KDM6A: variants seen among roughly 807,000 people sequenced by gnomAD.
KDM6A encodes the protein lysine-specific demethylase 6A.
KDM6A carries 11 observed loss-of-function variants against 117.6 expected under a neutral mutation model. That is an observed-to-expected ratio of 0.09 (90% CI 0.06 to 0.15). The LOEUF (loss-of-function observed/expected upper bound fraction) is 0.15, where lower values mean the gene tolerates loss of function less well. KDM6A is among the 10% of genes least tolerant of loss of function. The pLI is 1.00. For synonymous variants in KDM6A, 384 were observed against 396.1 expected (o/e 0.97, Z 0.36); for missense variants, 799 against 1,077.3 (o/e 0.74, Z 3.62).
intron 2 of KDM6A, among the ~76,000 whole-genome samples, chrX:44,956,563 T>A (rs756494316): frequency 2.7e-5 from 3 of 110,518 alleles, no homozygotes; most frequent in African/African-American, 9.9e-5. Context: ...ACACCATGCC[T>A]GGGTAATTTT....
rs780484731 is a variant in KDM6A, at chrX:45,051,760, A to C, written c.706A>C (p.Asn236His). The C allele has an allele frequency of 6.7e-6, 8 of 1,188,055 alleles. No homozygotes were observed. Among genetic ancestry groups the C allele is most frequent in the Admixed American group, 6.6e-5 (3 of 45,567 alleles). The change falls in exon 9 of 30, where the codon AAT (asparagine) becomes CAT (histidine). Residue 236 changes from asparagine to histidine, a missense_variant. Asn to His is a moderately conservative substitution (Grantham distance 68). Transcript: ENST00000611820. The part of the protein sequence containing the change: ...EAYEQLLQTE[N>H]LSAQVKATVL... ...TTATGAACAACTTTTGCAGACAGAG[A>C]ATCTTTCTGCACAAGTAAAAGCAAC...
At chrX:45,011,696 A>G (rs952167025) in intron 5 of KDM6A, among the ~76,000 whole-genome samples, 2 of 112,214 alleles carry the variant, frequency 1.8e-5, no homozygotes, top group South Asian at 3.7e-4. Context: ...TTGTTGTCAC[A>G]GCATTGCCAC....
chrX:45,053,030 G>A (rs1380159359), intron 9 of KDM6A, among the ~76,000 whole-genome samples: 6 of 111,624 alleles, frequency 5.4e-5, no homozygotes, highest in African/African-American at 2.0e-4. Context: ...TATGTAGTCA[G>A]GGCCAGTGAG....
intron 2 of KDM6A, 79 bp downstream of exon 2, chrX:44,874,066 C>T: frequency 1.0e-6 from 1 of 965,236 alleles, no homozygotes. Context: ...GCGGCCGGGT[C>T]TGTGCTCATT....
At chrX:44,953,937 G>A (rs1046531276) in intron 2 of KDM6A, among the ~76,000 whole-genome samples, 2 of 109,991 alleles carry the variant, frequency 1.8e-5, no homozygotes, top group Non-Finnish European at 3.8e-5. Flanking sequence ...TGTGCCTGTA[G>A]TCCCAGCCAC....
At chrX:44,970,306 A>G (rs1387815656) in intron 3 of KDM6A, among the ~76,000 whole-genome samples, 1 of 112,162 alleles carries the variant, frequency 8.9e-6, no homozygotes, top group Non-Finnish European at 1.9e-5. Flanking sequence ...TTGAGCATTC[A>G]TATTTATTTC....
At chrX:44,917,352 A>G (rs1359643262) in intron 2 of KDM6A, among the ~76,000 whole-genome samples, 1 of 111,805 alleles carries the variant, frequency 8.9e-6, no homozygotes, top group Non-Finnish European at 1.9e-5. Context: ...TATTTGTGAT[A>G]GCACAGTAGA....
chrX:45,058,378 C>T (rs1260188086), intron 10 of KDM6A, among the ~76,000 whole-genome samples: 4 of 110,244 alleles, frequency 3.6e-5, no homozygotes, highest in African/African-American at 9.9e-5. Context: ...AAGAAAATTA[C>T]AGTCCTTGAA....
At chrX:45,100,820 T>C (rs2046311511) in intron 27 of KDM6A, among the ~76,000 whole-genome samples, 1 of 110,123 alleles carries the variant, frequency 9.1e-6, no homozygotes, top group African/African-American at 3.3e-5. Context: ...AAGCACTGTT[T>C]TATATTTTTT....
intron 21 of KDM6A, 120 bp from the exon 22 acceptor site, chrX:45,082,456 T>C: frequency 1.9e-6 from 1 of 520,109 alleles, no homozygotes; most frequent in South Asian, 2.8e-5. Context: ...AACATGAAAC[T>C]TAGTTTCAAA....
chrX:45,041,036 G>A (rs1467030357), intron 8 of KDM6A, among the ~76,000 whole-genome samples: 2 of 71,580 alleles, frequency 2.8e-5, no homozygotes, highest in South Asian at 8.7e-4. Context: ...GCGGCTGGCC[G>A]GGCAGAGGGG....
Position 45,068,121 on chromosome X carries a change from A to G in KDM6A, c.2080-1458A>G, listed in dbSNP as rs189572295. Among the ~76,000 whole-genome samples the G allele has an allele frequency of 2.2e-3, 249 of 111,878 alleles. 4 individuals carry two copies. The highest frequency in any genetic ancestry group is 0.021 in the Admixed American group (219 of 10,547). On this transcript the variant is annotated intron_variant, in intron 17 of 29. Coordinates refer to ENST00000611820, the MANE Select transcript of KDM6A (RefSeq NM_001291415.2). ...GTATATAAATATCTTGTTATCAGCT[A>G]TAGTTTTATTCTTTTATAGCTTATT...
At chrX:45,051,316 G>C (rs1452078511) in intron 8 of KDM6A, among the ~76,000 whole-genome samples, 1 of 111,793 alleles carries the variant, frequency 8.9e-6, no homozygotes, top group Non-Finnish European at 1.9e-5. Flanking sequence ...CCTGACATGT[G>C]CTCTATTTAT....
chrX:45,073,313 A>T (rs1268010786), intron 18 of KDM6A, among the ~76,000 whole-genome samples: 2 of 111,703 alleles, frequency 1.8e-5, no homozygotes, highest in African/African-American at 6.5e-5. Context: ...TGCTATTGTG[A>T]ATAGTGCCAC....
intron 19 of KDM6A, among the ~76,000 whole-genome samples, chrX:45,077,397 T>C (rs968180351): frequency 1.8e-5 from 2 of 111,594 alleles, no homozygotes; most frequent in African/African-American, 6.5e-5. Flanking sequence ...TCCAAATAGA[T>C]CTTCCTATCC....
At chrX:45,076,003 TG>T (rs1396648441) in intron 18 of KDM6A, among the ~76,000 whole-genome samples, 1 of 111,445 alleles carries the variant, frequency 9.0e-6, no homozygotes, top group Non-Finnish European at 1.9e-5. Context: ...ATATCTTGCT[TG>T]TACTGAAAGA....
At chrX:45,039,309 G>GT (rs1336680883) in intron 8 of KDM6A, among the ~76,000 whole-genome samples, 1 of 109,311 alleles carries the variant, frequency 9.1e-6, no homozygotes, top group Non-Finnish European at 1.9e-5. Context: ...AGAAGCAGAA[G>GT]TTTTTTTAAC....
rs1008004351 is a variant in KDM6A at position 45,005,939 on chromosome X, G to A, written c.385-5022G>A. ...TAACCTGTAAGCCACCCCAACCAAG[G>A]AGTACTTCACCTCACCCCCCCACCC... On this transcript the variant is annotated intron_variant, in intron 4 of 29. Transcript: ENST00000611820. 3.4e-5 allele frequency among the ~76,000 whole-genome samples: 3 copies of A among 88,935 alleles called. No homozygotes were observed. The Admixed American group carries it at 3.7e-4, about 11-fold the overall frequency. 77.2% of individuals were successfully genotyped at this position (88,935 alleles called of 115,157 possible).
At chrX:45,049,654 T>G (rs757990894) in intron 8 of KDM6A, among the ~76,000 whole-genome samples, 8 of 112,182 alleles carry the variant, frequency 7.1e-5, no homozygotes, top group Non-Finnish European at 1.3e-4. Flanking sequence ...TCTGATTACA[T>G]TACTTGAAAT....
Sources: gnomAD v4.1 joint callset for allele counts (sites outside exome capture counted in the v4.1 genomes callset) on GRCh38, gnomAD v4.1.1 for gene constraint, MANE v1.5 for transcripts, NCBI Gene and HGNC (gene_info 2026-07-23, HGNC 2026-07-21) for gene names.